FAM89A: variants seen among roughly 807,000 people sequenced by gnomAD.
FAM89A encodes family with sequence similarity 89 member A.
FAM89A carries 10 observed loss-of-function variants against 7.1 expected under a neutral mutation model. That is an observed-to-expected ratio of 1.40 (90% CI 0.86 to 2.38). FAM89A has a LOEUF of 2.38. Among genes scored for constraint, FAM89A ranks in the 30% most tolerant of loss-of-function variants. FAM89A has a pLI of 0.00. For missense variants in FAM89A, 276 were observed against 262.8 expected, an observed-to-expected ratio of 1.05 and a Z score of -0.35; for synonymous variants, 157 against 129.3, an observed-to-expected ratio of 1.21 and a Z score of -1.45.
intron 1 of FAM89A, among the ~76,000 whole-genome samples, chr1:231,039,411 T>C (rs1680216120): frequency 6.6e-6 from 1 of 152,152 alleles, no homozygotes; most frequent in Admixed American, 6.5e-5. Context: ...GGTAATCGGA[T>C]CACGGACGCG....
intron 1 of FAM89A, among the ~76,000 whole-genome samples, chr1:231,037,027 A>C (rs1488834141): frequency 6.6e-6 from 1 of 152,228 alleles, no homozygotes; most frequent in African/African-American, 2.4e-5. Flanking sequence ...TGCAGCCCAA[A>C]AAGCAAACCA....
chr1:231,022,101 G>T (rs556803886), intron 1 of FAM89A: 1 of 1,376,198 alleles, frequency 7.3e-7, no homozygotes, highest in South Asian at 1.2e-5. Context: ...CAGTGCCTCC[G>T]TGATTCCCTG....
At position 231,034,058 on chromosome 1, in the gene FAM89A, G is replaced by A. The variant is rs536474988; in HGVS notation, c.291+5863C>T. On this transcript the variant is annotated intron_variant, in intron 1 of 1. Transcript: ENST00000366654. Reference sequence around the variant, plus strand: ...TGGCCTGAAAATCTTAATAACTGGTGTAGACAGCCTAATTTTTGATGAACT... The same window carrying A: ...TGGCCTGAAAATCTTAATAACTGGTATAGACAGCCTAATTTTTGATGAACT... Among the ~76,000 whole-genome samples the A allele has an allele frequency of 7.2e-5, 11 of 152,296 alleles. 1 individual carries two copies. The South Asian group carries it at 2.3e-3, about 32-fold the overall frequency.
At position 231,022,231 on chromosome 1, in the gene FAM89A, A is replaced by G. The variant is rs536967140; in HGVS notation, c.292-2105T>C. 16 of 876,558 alleles carry G rather than the reference A, an allele frequency of 1.8e-5. No homozygotes were observed. In the African/African-American group the frequency reaches 2.3e-4, roughly 13 times the overall value. 54.3% of individuals were successfully genotyped at this position (876,558 alleles called of 1,614,324 possible). ...AGACGGATGGACAATCAGGTTCTCCAGTGGTATCTGCCTCCATTTTCCTGA... is the reference window on the plus strand; with the variant it reads ...AGACGGATGGACAATCAGGTTCTCCGGTGGTATCTGCCTCCATTTTCCTGA... On this transcript the variant is annotated intron_variant, in intron 1 of 1. Coordinates refer to ENST00000366654, the MANE Select transcript of FAM89A (RefSeq NM_198552.3).
chr1:231,039,921 C>G lies in FAM89A; in HGVS notation c.291G>C (p.Met97Ile), dbSNP rs1411740140. 1 of 1,329,166 alleles carries G rather than the reference C, an allele frequency of 7.5e-7. No individual in the cohort carries two copies. Among genetic ancestry groups the G allele is most frequent in the Non-Finnish European group, 9.6e-7 (1 of 1,045,684 alleles). The allele number at this position is 1,329,166 out of a possible 1,614,324, so 82.3% of individuals were successfully genotyped here. A position where few individuals can be genotyped will look rare whatever the true frequency, so the allele number is the denominator to read the frequency against. Residue 97 changes from methionine (M) to isoleucine (I), a missense_variant and splice_region_variant, in exon 1 of 2, where the codon ATG becomes ATC. Transcript: ENST00000366654. Reference sequence around the variant, plus strand: ...CCCCAGCTCGCGGAGCCCCACTCACCATCTCTTTGCGGAGCAGCGCCAGAG... The same window carrying G: ...CCCCAGCTCGCGGAGCCCCACTCACGATCTCTTTGCGGAGCAGCGCCAGAG... ...DAALALLRKE[M>I]VGLRQLDMSL...
intron 1 of FAM89A, chr1:231,022,231 A>C: frequency 2.3e-6 from 2 of 876,558 alleles, no homozygotes; most frequent in Admixed American, 1.7e-5. Context: ...CAGGTTCTCC[A>C]GTGGTATCTG....
At chr1:231,027,372 G>A (rs1181083827) in intron 1 of FAM89A, among the ~76,000 whole-genome samples, 2 of 152,280 alleles carry the variant, frequency 1.3e-5, no homozygotes, top group South Asian at 2.1e-4. Context: ...GGAATACAGC[G>A]CAGCCCCGCA....
Position 231,020,079 on chromosome 1 carries a change from G to A in FAM89A, c.339C>T (p.Ser113=). The change falls in exon 2 of 2, where the codon AGC becomes AGT. Residue 113 remains serine (S), a synonymous_variant. Coordinates refer to ENST00000366654, the MANE Select transcript of FAM89A (RefSeq NM_198552.3). ...TGTACTCCTGAATCGACTCGTAGAG[G>A]CTGTACAGTTGGCAGAGCAAGGACA... ...LDMSLLCQLY[S]LYESIQEYKG... 6.2e-7 allele frequency: 1 copy of A among 1,614,024 alleles called. No individual in the cohort carries two copies. Among genetic ancestry groups the A allele is most frequent in the Non-Finnish European group, 8.5e-7 (1 of 1,179,988 alleles).
At chr1:231,030,374 T>C (rs374486147) in intron 1 of FAM89A, among the ~76,000 whole-genome samples, 23 of 152,304 alleles carry the variant, frequency 1.5e-4, no homozygotes, top group African/African-American at 5.5e-4. Flanking sequence ...GTAAAGCTGT[T>C]TGAATTGGAT....
chr1:231,021,847 T>C, intron 1 of FAM89A: 1 of 1,597,152 alleles, frequency 6.3e-7, no homozygotes, highest in Non-Finnish European at 8.6e-7. Flanking sequence ...CAAGGAGGAA[T>C]GCTAGGAGGC....
chr1:231,037,682 G>A (rs901404894), intron 1 of FAM89A, among the ~76,000 whole-genome samples: 4 of 152,038 alleles, frequency 2.6e-5, no homozygotes, highest in African/African-American at 9.7e-5. Flanking sequence ...GAGTCCACTC[G>A]GTCCACCTGC....
intron 1 of FAM89A, among the ~76,000 whole-genome samples, chr1:231,030,880 C>T (rs146088039): frequency 2.0e-5 from 3 of 152,284 alleles, no homozygotes; most frequent in African/African-American, 4.8e-5. Context: ...GAGGACAAGA[C>T]AGGTGGAGCA....
chr1:231,025,071 C>T (rs1396769592), intron 1 of FAM89A, among the ~76,000 whole-genome samples: 4 of 151,874 alleles, frequency 2.6e-5, no homozygotes, highest in Non-Finnish European at 5.9e-5. Flanking sequence ...TACAGGCGCT[C>T]GCCACTACGT....
Position 231,034,769 on chromosome 1 carries a change from T to C in FAM89A, c.291+5152A>G, listed in dbSNP as rs1249349343. Among the ~76,000 whole-genome samples the C allele has an allele frequency of 1.5e-4, 8 of 51,904 alleles. No individual in the cohort carries two copies. The Admixed American group carries it at 1.5e-3, about 10-fold the overall frequency. The allele number at this position is 51,904 out of a possible 152,430, so 34.1% of individuals were successfully genotyped here. ...CCTGGGCAACAAGATAGAAACTCTG[T>C]CTCAAAAAAAAAAAAAAAAAAAAAA... On this transcript the variant is annotated intron_variant, in intron 1 of 1. Transcript: ENST00000366654.
chr1:231,032,731 A>T (rs11122197), intron 1 of FAM89A, among the ~76,000 whole-genome samples: 1 of 151,906 alleles, frequency 6.6e-6, no homozygotes, highest in Non-Finnish European at 1.5e-5. Context: ...CTAAGAATAC[A>T]CTCGCTTTCA....
intron 1 of FAM89A, among the ~76,000 whole-genome samples, chr1:231,036,416 G>A (rs532427258): frequency 8.5e-4 from 130 of 152,236 alleles, no homozygotes; most frequent in Non-Finnish European, 1.5e-3. Context: ...ATTCTCTGAT[G>A]TAAAAATCAT....
In FAM89A at chr1:231,020,049, C is replaced by T. The variant is rs1405689043; in HGVS notation, c.369G>A (p.Gly123=). 6.2e-7 allele frequency: 1 copy of T among 1,614,074 alleles called. No homozygotes were observed. The highest frequency in any genetic ancestry group is 1.1e-5 in the South Asian group (1 of 91,082). ...CTGGGCTGGAGGCTGCCTGGCATGCCCCCTTGTACTCCTGAATCGACTCGT... is the reference window on the plus strand; with the variant it reads ...CTGGGCTGGAGGCTGCCTGGCATGCTCCCTTGTACTCCTGAATCGACTCGT... ...SLYESIQEYK[G]ACQAASSPDC... is the part of the protein sequence containing the mutation. The change falls in exon 2 of 2, where the codon GGG becomes GGA. Residue 123 remains glycine (G), a synonymous_variant. Coordinates refer to ENST00000366654, the MANE Select transcript of FAM89A (RefSeq NM_198552.3).
chr1:231,019,725 A>C lies in FAM89A; in HGVS notation c.*138T>G. The C allele has an allele frequency of 1.1e-6, 1 of 941,902 alleles. No individual in the cohort carries two copies. The allele number at this position is 941,902 out of a possible 1,614,324, so 58.3% of individuals were successfully genotyped here. ...ATCCGCGGAGAACTCCCTGCCTACA[A>C]ATGAAACTGGTAGCGCTCATCCCCT... On this transcript the variant is annotated 3_prime_UTR_variant, in exon 2 of 2. Coordinates refer to ENST00000366654, the MANE Select transcript of FAM89A (RefSeq NM_198552.3).
chr1:231,039,223 C>T (rs1423443442), intron 1 of FAM89A, among the ~76,000 whole-genome samples: 8 of 152,246 alleles, frequency 5.3e-5, no homozygotes, highest in Non-Finnish European at 1.2e-4. Flanking sequence ...TGGTATGGAG[C>T]TTAGACACAA....
Sources: allele counts gnomAD v4.1 joint callset (sites outside exome capture counted in the v4.1 genomes callset), GRCh38; gene constraint gnomAD v4.1.1; transcripts MANE v1.5; gene names NCBI Gene and HGNC (gene_info 2026-07-23, HGNC 2026-07-21).